The following PLIN2 variants were observed in gnomAD, a reference collection of about 807,000 sequenced individuals.
PLIN2 encodes perilipin 2.
A neutral mutation model predicts 30.6 loss-of-function variants in PLIN2; 33 were observed. That is an observed-to-expected ratio of 1.08 (90% CI 0.82 to 1.44). PLIN2 has a LOEUF of 1.44. Among genes scored for constraint, PLIN2 ranks in the 40% most tolerant of loss-of-function variants. The pLI is 0.00. For synonymous variants in PLIN2, 205 were observed against 201.1 expected (o/e 1.02, Z -0.16); for missense variants, 610 against 531.8 (o/e 1.15, Z -1.45).
intron 5 of PLIN2, 133 bp downstream of exon 5, chr9:19,120,747 G>C: frequency 1.5e-6 from 1 of 679,024 alleles, no homozygotes; most frequent in South Asian, 1.8e-5. Context: ...GGTAGCAGAA[G>C]TGTTCTGAAA....
chr9:19,108,821 A>T (rs1341681306), intron 2 of PLIN2: 2 of 152,590 alleles, frequency 1.3e-5, no homozygotes, highest in Non-Finnish European at 2.9e-5. Context: ...GAGCTCATGG[A>T]GACTTTAGTG....
chr9:19,120,900 G>C lies in PLIN2; in HGVS notation c.575C>G (p.Pro192Arg). Residue 192 changes from proline to arginine, a missense_variant, in exon 5 of 8, where the codon CCT (proline) becomes CGT (arginine). Pro to Arg is a moderately radical substitution (Grantham distance 103, BLOSUM62 -2). Coordinates refer to ENST00000276914, the MANE Select transcript of PLIN2 (RefSeq NM_001122.4). ...GTTACCTAGTTCTTCCTCAGTGAGA[G>C]GGAGGTACTGTTCTACCAACAGCTC... ...KSELLVEQYL[P>R]LTEEELEKEA... 2.5e-6 allele frequency: 4 copies of C among 1,613,850 alleles called. No homozygotes were observed. The highest frequency in any genetic ancestry group is 3.4e-6 in the Non-Finnish European group (4 of 1,179,710).
chr9:19,117,665 T>C (rs1448847784), intron 7 of PLIN2, among the ~76,000 whole-genome samples: 1 of 151,898 alleles, frequency 6.6e-6, no homozygotes, highest in East Asian at 1.9e-4. Flanking sequence ...TTGCCCAGGC[T>C]GGAGTGCAGT....
At chr9:19,122,320 A>G (rs1818331379) in intron 4 of PLIN2, among the ~76,000 whole-genome samples, 1 of 152,136 alleles carries the variant, frequency 6.6e-6, no homozygotes, top group African/African-American at 2.4e-5. Flanking sequence ...ACCACTATTC[A>G]ATGATAGTCC....
chr9:19,116,727 T>A, intron 7 of PLIN2, 78 bp from the exon 8 acceptor site: 1 of 1,202,268 alleles, frequency 8.3e-7, no homozygotes, highest in Non-Finnish European at 1.2e-6. Context: ...AGGCTGGTTA[T>A]GTGTCCACCA....
chr9:19,120,895 TGA>T lies in PLIN2; in HGVS notation c.578_579del (p.Leu193HisfsTer2). 6.2e-7 allele frequency: 1 copy of T among 1,613,652 alleles called. No individual in the cohort carries two copies. The highest frequency in any genetic ancestry group is 8.5e-7 in the Non-Finnish European group (1 of 1,179,534). ...SELLVEQYLP[L>X]TEEELEKEAK... ...TTCCAGTTACCTAGTTCTTCCTCAG[TGA>T]GAGGGAGGTACTGTTCTACCAACAG... On this transcript the variant is annotated frameshift_variant, in exon 5 of 8. Coordinates refer to ENST00000276914, the MANE Select transcript of PLIN2 (RefSeq NM_001122.4). LOFTEE classifies it high-confidence loss of function.
chr9:19,113,302 C>A (rs1319601597), downstream of PLIN2, among the ~76,000 whole-genome samples: 1 of 151,924 alleles, frequency 6.6e-6, no homozygotes, highest in African/African-American at 2.4e-5. Context: ...CCATCACACT[C>A]CAGCCTGGAC....
chr9:19,126,617 C>T (rs1818405121), intron 1 of PLIN2, among the ~76,000 whole-genome samples, 169 bp from the exon 2 acceptor site: 1 of 152,182 alleles, frequency 6.6e-6, no homozygotes, highest in Admixed American at 6.5e-5. Context: ...CCTGAAAGAC[C>T]CACACCCACA....
Position 19,116,378 on chromosome 9 carries a change from T to G in PLIN2, c.1184A>C (p.Asn395Thr). Residue 395 changes from asparagine (N) to threonine (T), a missense_variant, in exon 8 of 8, where the codon AAC (asparagine) becomes ACC (threonine). Transcript: ENST00000276914. ...LDDVMDYLVN[N>T]TPLNWLVGPF... ...ACCTACCAGCCAGTTGAGGGGCGTG[T>G]TGTTAACAAGATAATCCATCACGTC... 2 of 1,614,206 alleles carry G rather than the reference T, an allele frequency of 1.2e-6. No homozygotes were observed. The highest frequency in any genetic ancestry group is 1.7e-6 in the Non-Finnish European group (2 of 1,180,038).
chr9:19,124,009 C>T (rs1176832749), intron 3 of PLIN2, among the ~76,000 whole-genome samples: 1 of 122,648 alleles, frequency 8.2e-6, no homozygotes, highest in Non-Finnish European at 1.8e-5. Context: ...CAGAGCAAGA[C>T]TCCATCTCAA....
intron 5 of PLIN2, among the ~76,000 whole-genome samples, chr9:19,120,603 G>C (rs1202182460): frequency 1.3e-5 from 2 of 152,128 alleles, no homozygotes; most frequent in East Asian, 3.9e-4. Context: ...CCAGAACTTT[G>C]GGAGGTCAAG....
chr9:19,123,828 G>C (rs1445827640), intron 3 of PLIN2, among the ~76,000 whole-genome samples, 181 bp from the exon 4 acceptor site: 1 of 152,078 alleles, frequency 6.6e-6, no homozygotes, highest in East Asian at 1.9e-4. Context: ...AGACCATCCT[G>C]GCCAACATGG....
chr9:19,113,751 G>T (rs1161751104), downstream of PLIN2, among the ~76,000 whole-genome samples: 4 of 147,642 alleles, frequency 2.7e-5, no homozygotes, highest in African/African-American at 7.5e-5. Context: ...TTTTTGTGGG[G>T]TTTTTTGTTG....
At chr9:19,113,562 T>C (rs1818183303), downstream of PLIN2, among the ~76,000 whole-genome samples, 1 of 151,284 alleles carries the variant, frequency 6.6e-6, no homozygotes, top group Non-Finnish European at 1.5e-5. Context: ...AAGAAAAAAT[T>C]TGTAACTTGA....
chr9:19,119,451 C>T (rs774150428), intron 6 of PLIN2, among the ~76,000 whole-genome samples, 199 bp downstream of exon 6: 4 of 152,176 alleles, frequency 2.6e-5, no homozygotes, highest in East Asian at 3.8e-4. Context: ...CCCCTCAGAG[C>T]GAGATTAGCA....
intron 4 of PLIN2, chr9:19,123,364 G>A (rs1272659532): frequency 3.2e-6 from 5 of 1,550,666 alleles, no homozygotes; most frequent in African/African-American, 2.7e-5. Context: ...TCCAAAGGAG[G>A]CTAGTTCTTC....
chr9:19,118,038 T>A (rs1401006314), intron 7 of PLIN2, among the ~76,000 whole-genome samples: 1 of 152,226 alleles, frequency 6.6e-6, no homozygotes, highest in Non-Finnish European at 1.5e-5. Flanking sequence ...ACAGCATGGC[T>A]GGCTGTATCC....
intron 2 of PLIN2, chr9:19,108,890 T>G (rs545603331): frequency 6.6e-6 from 1 of 152,418 alleles, no homozygotes; most frequent in African/African-American, 2.4e-5. Context: ...GTTTGTGGTC[T>G]TATTCCTGCA....
chr9:19,121,241 C>T (rs1252406688), intron 4 of PLIN2, 76 bp from the exon 5 acceptor site: 2 of 1,310,388 alleles, frequency 1.5e-6, no homozygotes, highest in Non-Finnish European at 2.2e-6. Flanking sequence ...TTAACTAAGG[C>T]AGCACAGCTG....
Sources: gnomAD v4.1 joint callset for allele counts (sites outside exome capture counted in the v4.1 genomes callset) on GRCh38, gnomAD v4.1.1 for gene constraint, MANE v1.5 for transcripts, NCBI Gene and HGNC (gene_info 2026-07-23, HGNC 2026-07-21) for gene names.